The following SDK2 variants were observed in gnomAD, a reference collection of about 807,000 sequenced individuals.
SDK2 encodes the protein sidekick cell adhesion molecule 2.
SDK2 carries 105 observed loss-of-function variants against 253.9 expected under a neutral mutation model. The ratio of observed to expected loss-of-function variants is 0.41; its 90% confidence interval spans 0.35 to 0.49. The LOEUF (loss-of-function observed/expected upper bound fraction) is 0.49. Among genes scored for constraint, SDK2 ranks in the 20% least tolerant of loss-of-function variants. SDK2 has a pLI of 0.06. For missense variants in SDK2, 2,608 were observed against 3,003.0 expected, an observed-to-expected ratio of 0.87 and a Z score of 3.07; for synonymous variants, 1,249 against 1,234.9, an observed-to-expected ratio of 1.01 and a Z score of -0.24.
chr17:73,361,956 C>G lies in SDK2; in HGVS notation c.5306-111G>C. ...TGGGCCCCGGGACCCTGGGTAGGGG[C>G]CTCACTCCTTGAGGTCAGGCTGAAA... On this transcript the variant is annotated intron_variant, in intron 38 of 44. Transcript: ENST00000392650. This position sits in a 1 kb window ranked among gnomAD's most constrained non-coding sequence, Gnocchi z 4.1. 1 of 1,066,596 alleles carries G rather than the reference C, an allele frequency of 9.4e-7. No homozygotes were observed. The highest frequency in any genetic ancestry group is 2.6e-5 in the East Asian group (1 of 38,042). The allele number at this position is 1,066,596 out of a possible 1,614,324, so 66.1% of individuals were successfully genotyped here.
intron 17 of SDK2, 47 bp from the exon 18 acceptor site, chr17:73,414,806 T>C: frequency 8.2e-7 from 1 of 1,220,184 alleles, no homozygotes; most frequent in South Asian, 1.2e-5. Context: ...GCCCAGTCAG[T>C]CTCTCTTGCC....
chr17:73,390,301 G>GTCGCCGTA lies in SDK2; in HGVS notation c.4177_4178insTACGGCGA (p.Thr1393IlefsTer24). ...TGGGCAGTCACCTCTCTTCTCGGTG[G>GTCGCCGTA]TCACCACCAAGGCCTCGGCAGCTTC... On this transcript the variant is annotated frameshift_variant, in exon 29 of 45. Transcript: ENST00000392650. LOFTEE classifies it high-confidence loss of function. 2 of 1,587,960 alleles carry GTCGCCGTA rather than the reference G, an allele frequency of 1.3e-6. No individual in the cohort carries two copies. The highest frequency in any genetic ancestry group is 1.1e-5 in the South Asian group (1 of 89,062).
At chr17:73,381,159 G>A (rs2062827835) in intron 33 of SDK2, among the ~76,000 whole-genome samples, 1 of 152,188 alleles carries the variant, frequency 6.6e-6, no homozygotes, top group Non-Finnish European at 1.5e-5. Context: ...AGGCTCCCTG[G>A]ACAGTCTGCC....
chr17:73,532,655 C>A (rs1199149077), intron 1 of SDK2, among the ~76,000 whole-genome samples: 1 of 152,234 alleles, frequency 6.6e-6, no homozygotes, highest in Non-Finnish European at 1.5e-5. Context: ...ATGAGACAAA[C>A]AAGCCTGTTA....
At chr17:73,592,302 T>C (rs574260316) in intron 1 of SDK2, among the ~76,000 whole-genome samples, 1 of 152,204 alleles carries the variant, frequency 6.6e-6, no homozygotes, top group African/African-American at 2.4e-5. Context: ...GCTGGCTCCG[T>C]GTGGCTGCAT....
intron 1 of SDK2, among the ~76,000 whole-genome samples, chr17:73,578,821 C>T (rs898637421): frequency 2.0e-5 from 3 of 152,254 alleles, no homozygotes; most frequent in Non-Finnish European, 2.9e-5. Context: ...CAGTCTAGGC[C>T]GACCCCACTT....
chr17:73,583,365 C>T (rs372629883), intron 1 of SDK2, among the ~76,000 whole-genome samples: 1 of 152,308 alleles, frequency 6.6e-6, no homozygotes, highest in East Asian at 1.9e-4. Flanking sequence ...CATCTTCTCT[C>T]CCACTCGGGT....
chr17:73,507,658 G>T, intron 1 of SDK2, 61 bp from the exon 2 acceptor site: 2 of 1,509,622 alleles, frequency 1.3e-6, no homozygotes, highest in Admixed American at 2.0e-5. Context: ...GACCTGGTGC[G>T]TTTAGTATCC....
Position 73,435,322 on chromosome 17 carries a change from C to G in SDK2, c.1195+128G>C. The G allele has an allele frequency of 2.2e-6, 2 of 895,808 alleles. No individual in the cohort carries two copies. Among genetic ancestry groups the G allele is most frequent in the Non-Finnish European group, 3.3e-6 (2 of 608,948 alleles). The allele number at this position is 895,808 out of a possible 1,614,324, so 55.5% of individuals were successfully genotyped here. ...TGCCCCCAGGCTGCTGGGCAGCAGG[C>G]GGCCTTTGGGGATCCTATCTGCTTA... On this transcript the variant is annotated intron_variant, in intron 9 of 44. Transcript: ENST00000392650. The surrounding 1 kb of genome is among the most constrained non-coding windows in gnomAD (Gnocchi z 5.7).
intron 1 of SDK2, among the ~76,000 whole-genome samples, chr17:73,641,921 T>A (rs4789238): frequency 6.6e-6 from 1 of 151,866 alleles, no homozygotes; most frequent in African/African-American, 2.4e-5. Flanking sequence ...AAGGCTTGCC[T>A]CCAGGGACAC....
chr17:73,414,727 C>T lies in SDK2; in HGVS notation c.2401G>A (p.Glu801Lys). Residue 801 changes from glutamate (E) to lysine (K), a missense_variant, in exon 18 of 45, where the codon GAA (glutamate) becomes AAA (lysine). Around this residue, in one of 2 missense-constraint regions of SDK2, gnomAD observed 1,505 missense variants for 1,859.1 expected, o/e 0.81. Transcript: ENST00000392650. ...CGGATGGTCGTGGAATTGGTGGCTT[C>T]CGCGTGCACATTGCCCGGAGGGACC... ...PTVPPGNVHA[E>K]ATNSTTIRFT... 1 of 1,613,818 alleles carries T rather than the reference C, an allele frequency of 6.2e-7. No individual in the cohort carries two copies. Among genetic ancestry groups the T allele is most frequent in the South Asian group, 1.1e-5 (1 of 91,074 alleles).
intron 2 of SDK2, among the ~76,000 whole-genome samples, chr17:73,480,137 G>A (rs182657617): frequency 7.9e-4 from 121 of 152,220 alleles, no homozygotes; most frequent in African/African-American, 2.7e-3. Flanking sequence ...CATAAACCTC[G>A]GTTCACAGAT....
intron 18 of SDK2, among the ~76,000 whole-genome samples, chr17:73,403,633 C>T (rs1477424567): frequency 6.6e-6 from 1 of 152,222 alleles, no homozygotes; most frequent in African/African-American, 2.4e-5. Context: ...GCCAATGTCT[C>T]CCGGTTAACT....
chr17:73,353,191 C>A (rs556567238), intron 40 of SDK2, among the ~76,000 whole-genome samples: 1 of 152,180 alleles, frequency 6.6e-6, no homozygotes, highest in African/African-American at 2.4e-5. Context: ...ACTGTCACAA[C>A]CAATGACAGA....
chr17:73,630,353 C>G (rs1017367462), intron 1 of SDK2, among the ~76,000 whole-genome samples: 2 of 152,180 alleles, frequency 1.3e-5, no homozygotes, highest in Non-Finnish European at 2.9e-5. Context: ...ATGAGACCCA[C>G]TGCTCTAGGC....
chr17:73,387,698 G>C, intron 30 of SDK2, 138 bp downstream of exon 30: 1 of 711,616 alleles, frequency 1.4e-6, no homozygotes, highest in Non-Finnish European at 2.3e-6. Flanking sequence ...CGCGGGGGCC[G>C]CCTGGGTGGT....
At chr17:73,466,627 C>T (rs1216954535) in intron 3 of SDK2, among the ~76,000 whole-genome samples, 1 of 151,978 alleles carries the variant, frequency 6.6e-6, no homozygotes, top group African/African-American at 2.4e-5. Context: ...TGCCTTCTAA[C>T]CTCTCAGACC....
chr17:73,460,478 T>C (rs1284675523), intron 3 of SDK2, among the ~76,000 whole-genome samples: 1 of 152,230 alleles, frequency 6.6e-6, no homozygotes, highest in Non-Finnish European at 1.5e-5. Context: ...CCATTATGTT[T>C]TGGGGTAGTT....
chr17:73,386,547 G>C lies in SDK2; in HGVS notation c.4396C>G (p.Leu1466Val), dbSNP rs1297021550. The C allele has an allele frequency of 1.3e-6, 2 of 1,552,126 alleles. No homozygotes were observed. Among genetic ancestry groups the C allele is most frequent in the African/African-American group, 2.7e-5 (2 of 73,118 alleles). ...AACTTGTAGGACGTGAAGGGCTTCAGCCTGTAGGGAGAAATCAGGGCCAAT... is the reference window on the plus strand; with the variant it reads ...AACTTGTAGGACGTGAAGGGCTTCACCCTGTAGGGAGAAATCAGGGCCAAT... ...HNASSFIVDR[L>V]KPFTSYKFRV... The change falls in exon 31 of 45, where the codon CTG (leucine) becomes GTG (valine). Residue 1466 changes from leucine (L) to valine (V), a missense_variant and splice_region_variant. Around this residue, in one of 2 missense-constraint regions of SDK2, gnomAD observed 1,103 missense variants for 1,143.9 expected, o/e 0.96. Coordinates refer to ENST00000392650, the MANE Select transcript of SDK2 (RefSeq NM_001144952.2).
Sources: allele counts gnomAD v4.1 joint callset (sites outside exome capture counted in the v4.1 genomes callset), GRCh38; gene constraint gnomAD v4.1.1; regional missense constraint gnomAD v4.1.1; non-coding constraint Gnocchi (gnomAD v3.1); transcripts MANE v1.5; gene names NCBI Gene and HGNC (gene_info 2026-07-23, HGNC 2026-07-21).